Variants in ASRGL1 observed in about 807,000 individuals in gnomAD.
The protein encoded by ASRGL1 is isoaspartyl peptidase/L-asparaginase.
In ASRGL1, 16 loss-of-function variants were observed where a neutral mutation model predicts 22.4. The ratio of observed to expected loss-of-function variants is 0.71; its 90% CI spans 0.48 to 1.08. The LOEUF (loss-of-function observed/expected upper bound fraction) is 1.08, where lower values mean the gene tolerates loss of function less well. Among genes scored for constraint, ASRGL1 ranks in the 50% least tolerant of loss-of-function variants. The pLI, the probability that ASRGL1 is intolerant of heterozygous loss-of-function variation, is 0.00. For synonymous variants in ASRGL1, 165 were observed against 159.3 expected, an observed-to-expected ratio of 1.04 and a Z score of -0.27; for missense variants, 412 against 410.1, an observed-to-expected ratio of 1.00 and a Z score of -0.04.
intron 2 of ASRGL1, among the ~76,000 whole-genome samples, chr11:62,347,165 A>G (rs1946047824): frequency 6.6e-6 from 1 of 152,162 alleles, no homozygotes; most frequent in East Asian, 1.9e-4. Flanking sequence ...GGGGAGACAC[A>G]GTTTTGAAGC....
At chr11:62,384,915 CA>C (rs375953895) in intron 4 of ASRGL1, among the ~76,000 whole-genome samples, 457 of 110,986 alleles carry the variant, frequency 4.1e-3, no homozygotes, top group Non-Finnish European at 6.6e-3. Context: ...AAGACTGTCT[CA>C]AAAAAAAAAA....
At chr11:62,394,709 C>T (rs994743880), downstream of ASRGL1, among the ~76,000 whole-genome samples, 3 of 152,108 alleles carry the variant, frequency 2.0e-5, no homozygotes, top group African/African-American at 4.8e-5. Flanking sequence ...TAAAGATTAC[C>T]GTAGGCTCAG....
intron 2 of ASRGL1, among the ~76,000 whole-genome samples, chr11:62,355,622 CTTTTTTTTT>C (rs56828559): frequency 7.6e-6 from 1 of 131,940 alleles, no homozygotes; most frequent in African/African-American, 2.8e-5. Flanking sequence ...TTTCTAAATT[CTTTTTTTTT>C]TTTTTTTTCA....
intron 2 of ASRGL1, among the ~76,000 whole-genome samples, chr11:62,344,810 A>G (rs1361645642): frequency 6.6e-6 from 1 of 152,164 alleles, no homozygotes; most frequent in African/African-American, 2.4e-5. Flanking sequence ...GCTATCAAAT[A>G]CTAACTCATA....
At chr11:62,395,754 T>C (rs1449927387), downstream of ASRGL1, among the ~76,000 whole-genome samples, 1 of 137,978 alleles carries the variant, frequency 7.2e-6, no homozygotes, top group African/African-American at 2.7e-5. Context: ...ATTTTGTAGC[T>C]GTTTCTTTTT....
Position 62,374,750 on chromosome 11 carries a change from G to A in ASRGL1, c.492-14383G>A, listed in dbSNP as rs544160648. ...GCATCTCTCTAAGACTTAGTCTGAC[G>A]CCACGCGCATCTCTTGATCTGTGTT... On this transcript the variant is annotated intron_variant, in intron 4 of 6. Coordinates refer to ENST00000415229, the MANE Select transcript of ASRGL1 (RefSeq NM_001083926.2). 5.9e-5 allele frequency among the ~76,000 whole-genome samples: 9 copies of A among 152,248 alleles called. No individual in the cohort carries two copies. In the East Asian group the frequency reaches 7.7e-4, roughly 13 times the overall value.
At chr11:62,344,646 C>T (rs1177690561) in intron 2 of ASRGL1, among the ~76,000 whole-genome samples, 2 of 150,850 alleles carry the variant, frequency 1.3e-5, no homozygotes, top group East Asian at 1.9e-4. Context: ...TATGGGAGTA[C>T]GTGAGATATT....
At chr11:62,375,469 T>G (rs1195627155) in intron 4 of ASRGL1, among the ~76,000 whole-genome samples, 1 of 87,632 alleles carries the variant, frequency 1.1e-5, no homozygotes, top group African/African-American at 4.4e-5. Flanking sequence ...TATATATATA[T>G]ATATATATAT....
intron 4 of ASRGL1, among the ~76,000 whole-genome samples, chr11:62,367,716 G>T (rs907959606): frequency 1.3e-4 from 20 of 152,020 alleles, no homozygotes; most frequent in African/African-American, 4.8e-4. Flanking sequence ...GGCCGAGGTG[G>T]GTGGATCACA....
intron 2 of ASRGL1, among the ~76,000 whole-genome samples, chr11:62,348,562 G>A (rs1191594576): frequency 6.6e-6 from 1 of 152,052 alleles, no homozygotes; most frequent in African/African-American, 2.4e-5. Context: ...AATTAGCTGG[G>A]CGTGGTGTCT....
chr11:62,367,624 A>G (rs1193983293), intron 4 of ASRGL1, among the ~76,000 whole-genome samples: 13 of 151,734 alleles, frequency 8.6e-5, no homozygotes, highest in African/African-American at 2.7e-4. Flanking sequence ...AGCCTGGGCA[A>G]CAAGAGCAAA....
chr11:62,367,373 C>G (rs1033559217), intron 4 of ASRGL1, among the ~76,000 whole-genome samples: 1 of 150,348 alleles, frequency 6.7e-6, no homozygotes, highest in Non-Finnish European at 1.5e-5. Flanking sequence ...GGGCTAGGCG[C>G]AGTGGTTCAC....
intron 2 of ASRGL1, among the ~76,000 whole-genome samples, chr11:62,341,587 A>G (rs1479386342): frequency 2.0e-5 from 3 of 152,210 alleles, no homozygotes; most frequent in Admixed American, 6.5e-5. Flanking sequence ...GGGTCTAGGA[A>G]TTGGTATTCA....
At chr11:62,337,833 C>T (rs973295800) in intron 1 of ASRGL1, 57 bp from the exon 2 acceptor site, 3 of 863,508 alleles carry the variant, frequency 3.5e-6, no homozygotes, top group Non-Finnish European at 5.1e-6. Flanking sequence ...CCGCCCCTAC[C>T]CACCCCCAGC....
At chr11:62,347,771 A>C (rs1167103708) in intron 2 of ASRGL1, among the ~76,000 whole-genome samples, 1 of 152,126 alleles carries the variant, frequency 6.6e-6, no homozygotes, top group Non-Finnish European at 1.5e-5. Flanking sequence ...GTGAAACTAA[A>C]AATACAAAAA....
intron 4 of ASRGL1, among the ~76,000 whole-genome samples, 156 bp from the exon 5 acceptor site, chr11:62,388,977 A>C (rs1947276315): frequency 6.6e-6 from 1 of 152,204 alleles, no homozygotes; most frequent in Admixed American, 6.5e-5. Flanking sequence ...TTACACGTAG[A>C]ATGAGAAGCA....
intron 4 of ASRGL1, among the ~76,000 whole-genome samples, chr11:62,381,005 C>G (rs561555917): frequency 6.6e-6 from 1 of 152,282 alleles, no homozygotes; most frequent in East Asian, 1.9e-4. Context: ...GGAAACACTC[C>G]TGGCTGTCCA....
chr11:62,384,750 T>C (rs1291185646), intron 4 of ASRGL1, among the ~76,000 whole-genome samples: 2 of 136,602 alleles, frequency 1.5e-5, no homozygotes, highest in East Asian at 2.1e-4. Context: ...AAACCCCGTC[T>C]CTACTGAAAG....
chr11:62,372,240 C>A, intron 4 of ASRGL1: 1 of 1,455,924 alleles, frequency 6.9e-7, no homozygotes, highest in Non-Finnish European at 9.6e-7. Flanking sequence ...AGCGTGTGCG[C>A]GGAACCACAC....
Sources: allele counts gnomAD v4.1 joint callset (sites outside exome capture counted in the v4.1 genomes callset), GRCh38; gene constraint gnomAD v4.1.1; transcripts MANE v1.5; gene names NCBI Gene and HGNC (gene_info 2026-07-23, HGNC 2026-07-21).